The following SLC24A3 variants were observed in gnomAD, a reference collection of about 807,000 sequenced individuals.
SLC24A3 encodes the protein sodium/potassium/calcium exchanger 3.
In SLC24A3, 28 loss-of-function variants were observed where a neutral mutation model predicts 75.8. That is an observed-to-expected ratio of 0.37 (90% CI 0.27 to 0.51). SLC24A3 has a LOEUF of 0.51. Ranked by LOEUF, SLC24A3 falls within the 20% of genes least tolerant of loss-of-function variation. SLC24A3 has a pLI of 0.94. For missense variants in SLC24A3, 663 were observed against 847.8 expected (o/e 0.78, Z 2.71); for synonymous variants, 372 against 334.1 (o/e 1.11, Z -1.24).
Position 19,521,916 on chromosome 20 carries a change from C to A in SLC24A3, c.348+6352C>A, listed in dbSNP as rs565297327. On this transcript the variant is annotated intron_variant, in intron 3 of 16. Transcript: ENST00000328041. Reference sequence around the variant, plus strand: ...TTAAGCTCACTTTCCACCTCACTCCCAGGGGTATTTTTTTTTCATGGTCTT... The same window carrying A: ...TTAAGCTCACTTTCCACCTCACTCCAAGGGGTATTTTTTTTTCATGGTCTT... Among the ~76,000 whole-genome samples, 6 of 148,030 alleles carry A rather than the reference C, an allele frequency of 4.1e-5. No homozygotes were observed. The South Asian group carries it at 1.3e-3, about 33-fold the overall frequency.
chr20:19,301,513 TACC>T (rs1984196714), intron 2 of SLC24A3, among the ~76,000 whole-genome samples: 1 of 152,210 alleles, frequency 6.6e-6, no homozygotes, highest in South Asian at 2.1e-4. Flanking sequence ...GGAGCTCACT[TACC>T]ACCTCCTTTT....
intron 1 of SLC24A3, among the ~76,000 whole-genome samples, chr20:19,239,251 G>C (rs78829527): frequency 6.6e-6 from 1 of 152,044 alleles, no homozygotes; most frequent in Non-Finnish European, 1.5e-5. Context: ...GCCTAAGCCC[G>C]TATGAAGCAC....
intron 15 of SLC24A3, among the ~76,000 whole-genome samples, chr20:19,715,632 C>T (rs1003679448): frequency 1.3e-5 from 2 of 152,118 alleles, no homozygotes; most frequent in East Asian, 1.9e-4. Context: ...GTATGGTGTC[C>T]CTATTTTCTG....
intron 2 of SLC24A3, among the ~76,000 whole-genome samples, chr20:19,453,530 C>A (rs1182412517): frequency 1.3e-5 from 2 of 152,148 alleles, no homozygotes; most frequent in African/African-American, 4.8e-5. Flanking sequence ...CTCTGGAGGT[C>A]CTTGACTTCT....
intron 2 of SLC24A3, among the ~76,000 whole-genome samples, chr20:19,293,391 C>T (rs987671413): frequency 2.6e-5 from 4 of 151,990 alleles, no homozygotes; most frequent in South Asian, 2.1e-4. Flanking sequence ...CATGGTGGCT[C>T]ATGTCTGAAA....
intron 6 of SLC24A3, among the ~76,000 whole-genome samples, chr20:19,653,083 A>G (rs988124102): frequency 2.0e-5 from 3 of 152,192 alleles, no homozygotes; most frequent in Non-Finnish European, 4.4e-5. Flanking sequence ...TAAACAGATA[A>G]AAATACTAAA....
chr20:19,246,967 G>A (rs1247240429), intron 1 of SLC24A3, among the ~76,000 whole-genome samples: 2 of 152,182 alleles, frequency 1.3e-5, no homozygotes, highest in Non-Finnish European at 2.9e-5. Context: ...ACAGGCAAGA[G>A]TGATCATTGT....
chr20:19,369,809 A>T (rs1249630615), intron 2 of SLC24A3, among the ~76,000 whole-genome samples: 1 of 152,216 alleles, frequency 6.6e-6, no homozygotes, highest in African/African-American at 2.4e-5. Flanking sequence ...ACTGTCCAGA[A>T]TGATGGAAAT....
intron 2 of SLC24A3, among the ~76,000 whole-genome samples, chr20:19,475,629 T>G (rs113414066): frequency 6.6e-6 from 1 of 152,068 alleles, no homozygotes; most frequent in African/African-American, 2.4e-5. Flanking sequence ...TGCATTATAA[T>G]GACAAAAAAA....
At chr20:19,607,864 T>G (rs2031618548) in intron 6 of SLC24A3, among the ~76,000 whole-genome samples, 1 of 152,240 alleles carries the variant, frequency 6.6e-6, no homozygotes, top group Admixed American at 6.5e-5. Flanking sequence ...AGGCCCCCTT[T>G]GCTGGTCACA....
chr20:19,229,676 A>T (rs1451091168), intron 1 of SLC24A3, among the ~76,000 whole-genome samples: 1 of 152,154 alleles, frequency 6.6e-6, no homozygotes, highest in Non-Finnish European at 1.5e-5. Context: ...CCTGGAGAAT[A>T]TGACCTTTAA....
At chr20:19,229,870 T>A (rs531838059) in intron 1 of SLC24A3, among the ~76,000 whole-genome samples, 1 of 152,300 alleles carries the variant, frequency 6.6e-6, no homozygotes, top group Non-Finnish European at 1.5e-5. Flanking sequence ...TGCCTCTTAT[T>A]CCCATTTATG....
At chr20:19,224,062 G>A (rs557800390) in intron 1 of SLC24A3, among the ~76,000 whole-genome samples, 55 of 152,228 alleles carry the variant, frequency 3.6e-4, no homozygotes, top group African/African-American at 1.3e-3. Context: ...AACTGAAACA[G>A]CAGAAAGTGA....
chr20:19,605,193 G>C (rs1312765624), intron 6 of SLC24A3, among the ~76,000 whole-genome samples: 1 of 152,196 alleles, frequency 6.6e-6, no homozygotes, highest in Non-Finnish European at 1.5e-5. Flanking sequence ...CAAGCAAAGA[G>C]ATTATTTTCA....
At chr20:19,336,012 C>G (rs1164106480) in intron 2 of SLC24A3, among the ~76,000 whole-genome samples, 1 of 152,196 alleles carries the variant, frequency 6.6e-6, no homozygotes, top group Non-Finnish European at 1.5e-5. Flanking sequence ...GCAAGTCCAT[C>G]AAGATGAATA....
intron 3 of SLC24A3, among the ~76,000 whole-genome samples, chr20:19,542,283 T>C (rs1184293798): frequency 6.6e-6 from 1 of 152,190 alleles, no homozygotes; most frequent in Non-Finnish European, 1.5e-5. Context: ...ATTGTATAGA[T>C]GAGTAATTAA....
intron 1 of SLC24A3, among the ~76,000 whole-genome samples, chr20:19,232,461 A>G (rs770935223): frequency 6.6e-6 from 1 of 152,246 alleles, no homozygotes; most frequent in Non-Finnish European, 1.5e-5. Flanking sequence ...TTTAATAATT[A>G]TCTCAGTCTG....
chr20:19,692,451 G>A (rs942693233), intron 12 of SLC24A3, among the ~76,000 whole-genome samples: 6 of 152,156 alleles, frequency 3.9e-5, no homozygotes, highest in African/African-American at 1.4e-4. Flanking sequence ...GCAATTAAAA[G>A]GAATGGATCA....
chr20:19,711,137 A>ACT (rs1282590317), intron 15 of SLC24A3, among the ~76,000 whole-genome samples: 6 of 151,884 alleles, frequency 4.0e-5, no homozygotes, highest in Admixed American at 2.6e-4. Flanking sequence ...AGGCAAACAC[A>ACT]CACACACACA....
Sources: allele counts gnomAD v4.1 joint callset (sites outside exome capture counted in the v4.1 genomes callset), GRCh38; gene constraint gnomAD v4.1.1; transcripts MANE v1.5; gene names NCBI Gene and HGNC (gene_info 2026-07-23, HGNC 2026-07-21).